SRP19: variants seen among roughly 807,000 people sequenced by gnomAD.
SRP19 encodes signal recognition particle 19.
A neutral mutation model predicts 22.4 loss-of-function variants in SRP19; 11 were observed. The observed-to-expected ratio is 0.49, with a 90% confidence interval of 0.31 to 0.81. The LOEUF (loss-of-function observed/expected upper bound fraction) is 0.81, where lower values mean the gene tolerates loss of function less well. SRP19 is among the 40% of genes least tolerant of loss of function. The probability of loss-of-function intolerance (pLI) is 0.05; values close to 1 mark genes in which losing one functional copy is unlikely to be tolerated. For synonymous variants in SRP19, 61 were observed against 57.6 expected (o/e 1.06, Z -0.27); for missense variants, 168 against 175.9 (o/e 0.96, Z 0.25).
chr5:112,874,455 C>G (rs1767850265), downstream of SRP19, among the ~76,000 whole-genome samples: 1 of 152,180 alleles, frequency 6.6e-6, no homozygotes, highest in African/African-American at 2.4e-5. Context: ...ATACTGGCAC[C>G]TGGGTACCAT....
chr5:112,878,134 C>A (rs759372526), intron 4 of SRP19: 7 of 152,466 alleles, frequency 4.6e-5, no homozygotes, highest in Admixed American at 4.6e-4. Flanking sequence ...AATCTCCATT[C>A]GATTTCATTT....
intron 4 of SRP19, among the ~76,000 whole-genome samples, chr5:112,865,906 TAGAG>T (rs1273329082): frequency 6.6e-6 from 1 of 152,164 alleles, no homozygotes; most frequent in African/African-American, 2.4e-5. Context: ...TTTTTTAAAA[TAGAG>T]AGACAAGGGT....
rs368243392 is a variant in SRP19 at position 112,891,809 on chromosome 5, T to C, written c.*202T>C. On this transcript the variant is annotated 3_prime_UTR_variant, in exon 5 of 5. Transcript: ENST00000391338. ...TCACAGGAGGAGGAAGAGGACACTT[T>C]TATTGAAGAACAACAACTAGAAGAA... 4 of 1,598,902 alleles carry C rather than the reference T, an allele frequency of 2.5e-6. No individual in the cohort carries two copies. The African/African-American group carries it at 5.4e-5, about 21-fold the overall frequency.
At chr5:112,871,416 C>G (rs1767757279), downstream of SRP19, among the ~76,000 whole-genome samples, 2 of 151,916 alleles carry the variant, frequency 1.3e-5, no homozygotes, top group African/African-American at 4.8e-5. Context: ...TCAAGTGATC[C>G]TCCCATCTCA....
At chr5:112,886,033 T>C (rs80261473) in intron 4 of SRP19, among the ~76,000 whole-genome samples, 53 of 152,330 alleles carry the variant, frequency 3.5e-4, no homozygotes, top group African/African-American at 1.3e-3. Flanking sequence ...ACATGGCCTC[T>C]CCACTTGGTG....
chr5:112,876,415 A>G (rs1767896251), intron 4 of SRP19: 1 of 152,206 alleles, frequency 6.6e-6, no homozygotes, highest in Non-Finnish European at 1.5e-5. Context: ...ATTTACATCT[A>G]TTTATTTCCA....
chr5:112,873,271 CTTTTTTT>C (rs35379154), downstream of SRP19, among the ~76,000 whole-genome samples: 1 of 50,718 alleles, frequency 2.0e-5, no homozygotes, highest in Non-Finnish European at 3.4e-5. Flanking sequence ...CTCAGGTTTT[CTTTTTTT>C]TTTTTTTTTT....
downstream of SRP19, chr5:112,895,501 T>TCAAGG (rs3842055): frequency 6.6e-6 from 1 of 151,834 alleles, no homozygotes; most frequent in Non-Finnish European, 1.5e-5. Context: ...ATGAATTAAG[T>TCAAGG]GTCCACAGTT....
chr5:112,886,502 G>T (rs765018358), intron 4 of SRP19, among the ~76,000 whole-genome samples: 4 of 152,196 alleles, frequency 2.6e-5, no homozygotes, highest in African/African-American at 9.7e-5. Context: ...TCTTCTGCAA[G>T]TGGAGAGAAC....
chr5:112,897,759 ATAT>A (rs1212381994), downstream of SRP19: 1 of 152,272 alleles, frequency 6.6e-6, no homozygotes, highest in East Asian at 1.9e-4. Flanking sequence ...AAAAAATAAA[ATAT>A]TAAACATGTC....
At chr5:112,865,823 A>T (rs1767584844) in intron 4 of SRP19, among the ~76,000 whole-genome samples, 1 of 152,110 alleles carries the variant, frequency 6.6e-6, no homozygotes, top group Non-Finnish European at 1.5e-5. Context: ...CGATCTCTTG[A>T]CCTCGTGATC....
At chr5:112,890,586 C>T (rs1164062722) in intron 4 of SRP19, among the ~76,000 whole-genome samples, 1 of 150,144 alleles carries the variant, frequency 6.7e-6, no homozygotes, top group Non-Finnish European at 1.5e-5. Flanking sequence ...CCATGTTGGC[C>T]GGGCTGGTCT....
intron 4 of SRP19, among the ~76,000 whole-genome samples, chr5:112,890,289 C>G (rs1183702564): frequency 1.4e-5 from 2 of 146,666 alleles, no homozygotes; most frequent in Non-Finnish European, 3.0e-5. Flanking sequence ...GACCCTGTCT[C>G]AAAAAGACAA....
chr5:112,875,354 G>A (rs1482727253), intron 4 of SRP19, among the ~76,000 whole-genome samples: 6 of 141,914 alleles, frequency 4.2e-5, no homozygotes, highest in African/African-American at 5.0e-5. Flanking sequence ...TCAGAAGTAC[G>A]TTTTGTTTTT....
At chr5:112,894,133 T>G (rs574120688), downstream of SRP19, 2 of 150,972 alleles carry the variant, frequency 1.3e-5, no homozygotes, top group Admixed American at 6.6e-5. Context: ...TGTTTTTTTT[T>G]TTTTTTTGAG....
intron 4 of SRP19, chr5:112,885,453 G>GAAAGCC (rs1324118453): frequency 5.1e-6 from 1 of 194,998 alleles, no homozygotes; most frequent in East Asian, 1.4e-4. Context: ...AAGAGGAGGC[G>GAAAGCC]AAAGCCAAGA....
At chr5:112,897,725 T>C (rs938670891), downstream of SRP19, 12 of 151,942 alleles carry the variant, frequency 7.9e-5, no homozygotes, top group African/African-American at 2.7e-4. Context: ...AAAATGAAAA[T>C]AAAGCCAACA....
chr5:112,891,343 G>C (rs1170996844), intron 4 of SRP19, among the ~76,000 whole-genome samples: 1 of 152,100 alleles, frequency 6.6e-6, no homozygotes, highest in Non-Finnish European at 1.5e-5. Flanking sequence ...AAAGTGCTGG[G>C]ATTACAGGAG....
At position 112,864,636 on chromosome 5, in the gene SRP19, T is replaced by G; in HGVS notation, c.205T>G (p.Ser69Ala). The change falls in exon 4 of 5, where the codon TCT becomes GCT. Residue 69 changes from serine (S) to alanine (A), a missense_variant. Coordinates refer to ENST00000505459, the MANE Select transcript of SRP19 (RefSeq NM_003135.3). ...NVFLEKNKMYSREWNRDVQYR... is the reference protein window; with the variant it reads ...NVFLEKNKMYAREWNRDVQYR... ...TTTATGTTAGAAAAATAAAATGTAC[T>G]CTAGAGAATGGAATCGTGATGTCCA... The G allele has an allele frequency of 6.2e-7, 1 of 1,614,076 alleles. No individual in the cohort carries two copies.
Sources: allele counts gnomAD v4.1 joint callset (sites outside exome capture counted in the v4.1 genomes callset), GRCh38; gene constraint gnomAD v4.1.1; transcripts MANE v1.5; gene names NCBI Gene and HGNC (gene_info 2026-07-23, HGNC 2026-07-21).